The following PTPN9 variants were observed in gnomAD, a reference collection of about 807,000 sequenced individuals.
PTPN9 encodes the protein protein tyrosine phosphatase non-receptor type 9.
Under a neutral mutation model 69.8 loss-of-function variants are expected in PTPN9, and 26 were observed. The observed-to-expected ratio is 0.37, with a 90% CI of 0.27 to 0.52. PTPN9 has a LOEUF of 0.52. PTPN9 is among the 20% of genes least tolerant of loss of function. The probability of loss-of-function intolerance (pLI) is 0.91; values close to 1 mark genes in which losing one functional copy is unlikely to be tolerated. For missense variants in PTPN9, 549 were observed against 740.3 expected (o/e 0.74, Z 3.00); for synonymous variants, 274 against 272.5 (o/e 1.01, Z -0.05).
At chr15:75,542,094 C>A (rs1223125007) in intron 1 of PTPN9, among the ~76,000 whole-genome samples, 1 of 151,152 alleles carries the variant, frequency 6.6e-6, no homozygotes. Flanking sequence ...CTACTCCCAG[C>A]AATCTGGATA....
At chr15:75,504,619 C>T (rs2074804618) in intron 7 of PTPN9, among the ~76,000 whole-genome samples, 4 of 137,656 alleles carry the variant, frequency 2.9e-5, no homozygotes, top group Admixed American at 7.0e-5. Context: ...CCCGGCCAGC[C>T]GCCCCGTCTG....
chr15:75,562,153 A>G (rs2075106612), intron 1 of PTPN9, among the ~76,000 whole-genome samples: 1 of 152,162 alleles, frequency 6.6e-6, no homozygotes. Context: ...GCGCCTGGCC[A>G]AGATGGATTT....
intron 1 of PTPN9, among the ~76,000 whole-genome samples, chr15:75,573,841 G>C (rs1240525890): frequency 6.6e-6 from 1 of 152,208 alleles, no homozygotes; most frequent in Non-Finnish European, 1.5e-5. Flanking sequence ...GTGAATGACA[G>C]GTAAATGGTG....
chr15:75,567,059 A>G (rs1271361728), intron 1 of PTPN9, among the ~76,000 whole-genome samples: 6 of 145,304 alleles, frequency 4.1e-5, no homozygotes, highest in Non-Finnish European at 9.0e-5. Context: ...TCTGTCGCCC[A>G]GGCTGGAGTG....
intron 8 of PTPN9, among the ~76,000 whole-genome samples, chr15:75,485,424 A>G (rs972832110): frequency 7.0e-5 from 9 of 129,080 alleles, no homozygotes; most frequent in Non-Finnish European, 1.2e-4. Flanking sequence ...TGCGGACTGC[A>G]GTGGCGCAAT....
intron 1 of PTPN9, among the ~76,000 whole-genome samples, chr15:75,548,898 C>T (rs556904844): frequency 5.3e-5 from 8 of 151,284 alleles, no homozygotes; most frequent in Non-Finnish European, 1.2e-4. Flanking sequence ...TGTGATCCGC[C>T]CGCCTCAGCC....
intron 1 of PTPN9, among the ~76,000 whole-genome samples, chr15:75,537,188 C>CTA (rs1334507709): frequency 2.7e-5 from 4 of 150,932 alleles, no homozygotes; most frequent in Non-Finnish European, 4.4e-5. Flanking sequence ...TCCGTCTCTA[C>CTA]TAAAAATACA....
intron 7 of PTPN9, among the ~76,000 whole-genome samples, chr15:75,499,444 C>A (rs796875185): frequency 8.3e-6 from 1 of 120,650 alleles, no homozygotes; most frequent in Admixed American, 1.0e-4. Flanking sequence ...CTTGCTCTAT[C>A]GCCCAGGCTG....
At chr15:75,486,215 T>C (rs1232011463) in intron 8 of PTPN9, among the ~76,000 whole-genome samples, 1 of 151,990 alleles carries the variant, frequency 6.6e-6, no homozygotes, top group Non-Finnish European at 1.5e-5. Context: ...GCCATTGCTA[T>C]AGACTGATCA....
rs757748650 is a variant in PTPN9 at position 75,523,238 on chromosome 15, C to T, written c.305G>A (p.Arg102Gln). The change falls in exon 4 of 13, where the codon CGG becomes CAG. Residue 102 changes from arginine (R) to glutamine (Q), a missense_variant. Transcript: ENST00000618819. Reference sequence around the variant, plus strand: ...GGCAATGGAGGCTCCTGTTGGGTCCCGAACATTCTAAAGCAAATAAAACAA... The same window carrying T: ...GGCAATGGAGGCTCCTGTTGGGTCCTGAACATTCTAAAGCAAATAAAACAA... ...LSGKFTILNVRDPTGASIALF... is the reference protein window; with the variant it reads ...LSGKFTILNVQDPTGASIALF... 1.3e-5 allele frequency: 21 copies of T among 1,611,416 alleles called. 1 individual carries two copies. The highest frequency in any genetic ancestry group is 2.7e-5 in the African/African-American group (2 of 74,648).
At chr15:75,490,596 C>G (rs971600892) in intron 7 of PTPN9, among the ~76,000 whole-genome samples, 1 of 151,858 alleles carries the variant, frequency 6.6e-6, no homozygotes, top group Non-Finnish European at 1.5e-5. Context: ...GCCAGGAGTT[C>G]GTGAGCAGTC....
intron 8 of PTPN9, chr15:75,487,901 A>T (rs2074687646): frequency 6.6e-6 from 1 of 152,258 alleles, no homozygotes; most frequent in African/African-American, 2.4e-5. Flanking sequence ...GAGAAGGGAT[A>T]TAACAAGTCC....
Position 75,576,739 on chromosome 15 carries a change from C to G in PTPN9, c.63+1975G>C, listed in dbSNP as rs984090959. Among the ~76,000 whole-genome samples the G allele has an allele frequency of 3.8e-4, 58 of 151,844 alleles. 1 individual carries two copies. The highest frequency in any genetic ancestry group is 1.4e-3 in the African/African-American group (56 of 41,372). The stretch of plus-strand genomic sequence containing the variant: ...AGGAGAATCGTTTGAACCCTGGAGG[C>G]AGAGGTTGCAGTGAGCCAAGATCAG... On this transcript the variant is annotated intron_variant, in intron 1 of 12. Coordinates refer to ENST00000618819, the MANE Select transcript of PTPN9 (RefSeq NM_002833.4).
At position 75,522,616 on chromosome 15, in the gene PTPN9, G is replaced by C. The variant is rs564171557; in HGVS notation, c.422+505C>G. ...AGACAGGGTTTCACCATGTTGTCCA[G>C]GCTGGTCTCAACTCCTGGCTTCAAG... On this transcript the variant is annotated intron_variant, in intron 4 of 12. Transcript: ENST00000618819. 3.9e-5 allele frequency among the ~76,000 whole-genome samples: 6 copies of C among 152,170 alleles called. No homozygotes were observed. In the East Asian group the frequency reaches 1.2e-3, roughly 29 times the overall value.
intron 5 of PTPN9, among the ~76,000 whole-genome samples, chr15:75,512,068 C>T (rs1487906106): frequency 6.6e-6 from 1 of 152,136 alleles, no homozygotes; most frequent in Non-Finnish European, 1.5e-5. Flanking sequence ...TGGTCTCGAA[C>T]TCCTGGCCTC....
chr15:75,551,775 A>G (rs892086556), intron 1 of PTPN9, among the ~76,000 whole-genome samples: 9 of 151,946 alleles, frequency 5.9e-5, no homozygotes, highest in Non-Finnish European at 1.0e-4. Context: ...GGTGGCTCAT[A>G]CTTGTAATCT....
In PTPN9 at chr15:75,527,114, A is replaced by G. The variant is rs777579974; in HGVS notation, c.207+4T>C. 8 of 1,614,142 alleles carry G rather than the reference A, an allele frequency of 5.0e-6. No individual in the cohort carries two copies. Among genetic ancestry groups the G allele is most frequent in the East Asian group, 4.5e-5 (2 of 44,888 alleles). ...CAGGTCTGGTCTACCCCTGAGCCAC[A>G]TACTCTGTAGGAGTGGAACAATTCT... On this transcript the variant is annotated splice_donor_region_variant and intron_variant, in intron 2 of 12. Transcript: ENST00000618819.
At chr15:75,572,794 A>C (rs2075154655) in intron 1 of PTPN9, among the ~76,000 whole-genome samples, 1 of 152,094 alleles carries the variant, frequency 6.6e-6, no homozygotes, top group Non-Finnish European at 1.5e-5. Context: ...AAGAAAATAA[A>C]ATTTTATTGT....
intron 8 of PTPN9, among the ~76,000 whole-genome samples, 178 bp from the exon 9 acceptor site, chr15:75,480,092 G>C (rs1286779587): frequency 1.3e-5 from 2 of 151,986 alleles, no homozygotes. Context: ...GGGACAAGTA[G>C]ATATCTACAT....
Sources: allele counts gnomAD v4.1 joint callset (sites outside exome capture counted in the v4.1 genomes callset), GRCh38; gene constraint gnomAD v4.1.1; transcripts MANE v1.5; gene names NCBI Gene and HGNC (gene_info 2026-07-23, HGNC 2026-07-21).